The following ARIH1 variants were observed in gnomAD, a reference collection of about 807,000 sequenced individuals.
ARIH1 encodes ariadne RBR E3 ubiquitin protein ligase 1.
ARIH1 carries 8 observed loss-of-function variants against 85.0 expected under a neutral mutation model. The ratio of observed to expected loss-of-function variants is 0.09; its 90% CI spans 0.06 to 0.17. The LOEUF (loss-of-function observed/expected upper bound fraction) is 0.17. Ranked by LOEUF, ARIH1 falls within the 10% of genes least tolerant of loss-of-function variation. The probability of loss-of-function intolerance (pLI) is 1.00; values close to 1 mark genes in which losing one functional copy is unlikely to be tolerated. For missense variants in ARIH1, 311 were observed against 718.1 expected (o/e 0.43, Z 6.48); for synonymous variants, 238 against 253.6 (o/e 0.94, Z 0.59).
chr15:72,548,747 T>G (rs1222517650), intron 3 of ARIH1, among the ~76,000 whole-genome samples: 1 of 152,240 alleles, frequency 6.6e-6, no homozygotes, highest in Non-Finnish European at 1.5e-5. Context: ...AGTTCTTCAC[T>G]TACATTGTAT....
chr15:72,558,651 G>A lies in ARIH1; in HGVS notation c.737+2744G>A, dbSNP rs1000126097. ...GTAACAAATCTTTGTCAAGAGAATTGTCTTATTAATGACCAGAGTGACACT... is the reference window on the plus strand; with the variant it reads ...GTAACAAATCTTTGTCAAGAGAATTATCTTATTAATGACCAGAGTGACACT... On this transcript the variant is annotated intron_variant, in intron 5 of 13. Transcript: ENST00000379887. 2.0e-5 allele frequency among the ~76,000 whole-genome samples: 3 copies of A among 152,210 alleles called. No individual in the cohort carries two copies. The South Asian group carries it at 6.2e-4, about 31-fold the overall frequency.
intron 11 of ARIH1, among the ~76,000 whole-genome samples, chr15:72,577,086 G>A (rs976498494): frequency 2.0e-5 from 3 of 151,606 alleles, no homozygotes; most frequent in East Asian, 1.9e-4. Flanking sequence ...GAATTCAAGC[G>A]ATTCTCCTGC....
At chr15:72,504,434 C>T (rs894895229) in intron 1 of ARIH1, among the ~76,000 whole-genome samples, 4 of 152,108 alleles carry the variant, frequency 2.6e-5, no homozygotes, top group South Asian at 2.1e-4. Context: ...TCCTGCCAGA[C>T]GCTTGAAGGA....
chr15:72,499,298 C>T (rs1478916185), intron 1 of ARIH1, among the ~76,000 whole-genome samples: 1 of 151,116 alleles, frequency 6.6e-6, no homozygotes, highest in East Asian at 1.9e-4. Flanking sequence ...ATTATTGTAG[C>T]TCTTTCTCCA....
chr15:72,490,304 A>G (rs2063854008), intron 1 of ARIH1, among the ~76,000 whole-genome samples: 1 of 151,934 alleles, frequency 6.6e-6, no homozygotes. Context: ...TTATTACAGC[A>G]GGAGTTCCCA....
rs374082881 is a variant in ARIH1 at position 72,488,855 on chromosome 15, A to C, written c.375+13841A>C. On this transcript the variant is annotated intron_variant, in intron 1 of 13. Coordinates refer to ENST00000379887, the MANE Select transcript of ARIH1 (RefSeq NM_005744.5). ...GAATTCCAAGAGGACAAGCTTCTTA[A>C]GGTCCCTGAATATTCAACCTTTTAG... Among the ~76,000 whole-genome samples, 40 of 152,360 alleles carry C rather than the reference A, an allele frequency of 2.6e-4. 1 individual carries two copies. In the East Asian group the frequency reaches 2.9e-3, roughly 11 times the overall value.
At chr15:72,550,209 T>C (rs2064147588) in intron 3 of ARIH1, among the ~76,000 whole-genome samples, 1 of 152,246 alleles carries the variant, frequency 6.6e-6, no homozygotes, top group African/African-American at 2.4e-5. Context: ...AAAAAGCTTT[T>C]ATCTGTGTGC....
At chr15:72,492,025 C>G (rs2063861498) in intron 1 of ARIH1, among the ~76,000 whole-genome samples, 1 of 152,046 alleles carries the variant, frequency 6.6e-6, no homozygotes, top group Non-Finnish European at 1.5e-5. Context: ...GCCTCTGAAT[C>G]CAAATAAATG....
At position 72,474,873 on chromosome 15, in the gene ARIH1, T is replaced by TGGC. The variant is rs375614248; in HGVS notation, c.255_257dup (p.Gly90dup). On this transcript the variant is annotated inframe_insertion, in exon 1 of 14. Coordinates refer to ENST00000379887, the MANE Select transcript of ARIH1 (RefSeq NM_005744.5). ...GCGGCAGCGCTCTGGGGCCCGGCGGTGGCGGCGGCGGCGGCGGCGGCGGTG... is the reference window on the plus strand; with the variant it reads ...GCGGCAGCGCTCTGGGGCCCGGCGGTGGCGGCGGCGGCGGCGGCGGCGGCGGTG... 0.068 allele frequency: 96,356 copies of TGGC among 1,412,176 alleles called. 2,491 individuals are homozygous for TGGC. The highest frequency in any genetic ancestry group is 0.076 in the Non-Finnish European group (81,770 of 1,076,336). 87.5% of individuals were successfully genotyped at this position (1,412,176 alleles called of 1,614,324 possible). A position where few individuals can be genotyped will look rare whatever the true frequency, so the allele number is the denominator to read the frequency against.
In ARIH1 at chr15:72,558,462, C is replaced by T. The variant is rs535767716; in HGVS notation, c.737+2555C>T. On this transcript the variant is annotated intron_variant, in intron 5 of 13. Transcript: ENST00000379887. ...GATTACAGGTGTACACCATCACGTCCGGATAAGTTTTGTATTTTTAGTAGA... is the reference window on the plus strand; with the variant it reads ...GATTACAGGTGTACACCATCACGTCTGGATAAGTTTTGTATTTTTAGTAGA... Among the ~76,000 whole-genome samples, 66 of 152,218 alleles carry T rather than the reference C, an allele frequency of 4.3e-4. 2 individuals are homozygous for T. Among genetic ancestry groups the T allele is most frequent in the South Asian group, 1.7e-3 (8 of 4,814 alleles).
At chr15:72,578,068 C>G (rs751297135) in intron 11 of ARIH1, among the ~76,000 whole-genome samples, 2 of 152,202 alleles carry the variant, frequency 1.3e-5, no homozygotes, top group African/African-American at 4.8e-5. Flanking sequence ...TCCTCATCAT[C>G]TGGCACTGGT....
chr15:72,560,134 T>C (rs1485233731), intron 5 of ARIH1, among the ~76,000 whole-genome samples: 1 of 152,218 alleles, frequency 6.6e-6, no homozygotes, highest in Non-Finnish European at 1.5e-5. Context: ...TTAAAAAATA[T>C]TAATTGAACA....
At chr15:72,545,749 A>C (rs2064126064) in intron 3 of ARIH1, among the ~76,000 whole-genome samples, 1 of 152,228 alleles carries the variant, frequency 6.6e-6, no homozygotes, top group Non-Finnish European at 1.5e-5. Context: ...GAATTGCTTG[A>C]GCCTGGAAGG....
chr15:72,551,513 A>T (rs936599441), intron 3 of ARIH1, among the ~76,000 whole-genome samples: 1 of 152,228 alleles, frequency 6.6e-6, no homozygotes, highest in African/African-American at 2.4e-5. Flanking sequence ...TTAGTGTATT[A>T]TAGAGGAGGC....
intron 11 of ARIH1, among the ~76,000 whole-genome samples, chr15:72,575,424 A>G (rs906826270): frequency 6.6e-6 from 1 of 151,374 alleles, no homozygotes; most frequent in Non-Finnish European, 1.5e-5. Context: ...AAATTTATTA[A>G]AAATTAGCCA....
chr15:72,496,468 GT>G (rs1414300914), intron 1 of ARIH1, among the ~76,000 whole-genome samples: 1 of 152,172 alleles, frequency 6.6e-6, no homozygotes, highest in Non-Finnish European at 1.5e-5. Context: ...GGATGTGATA[GT>G]TTATGTACCA....
chr15:72,594,130 G>C lies in ARIH1; in HGVS notation c.*10838G>C, dbSNP rs908794425. The C allele has an allele frequency of 6.6e-6, 1 of 150,578 alleles. No homozygotes were observed. Among genetic ancestry groups the C allele is most frequent in the African/African-American group, 2.4e-5 (1 of 41,100 alleles). 9.3% of individuals were successfully genotyped at this position (150,578 alleles called of 1,614,324 possible). A position where few individuals can be genotyped will look rare whatever the true frequency, so the allele number is the denominator to read the frequency against. On this transcript the variant is annotated 3_prime_UTR_variant, in exon 14 of 14. Transcript: ENST00000379887. ...ACATTAGACTTTTTCTTAAGCATTTGATTTTTAAAATATTTTTGATTTTCT... is the reference window on the plus strand; with the variant it reads ...ACATTAGACTTTTTCTTAAGCATTTCATTTTTAAAATATTTTTGATTTTCT...
chr15:72,494,688 A>G (rs891385942), intron 1 of ARIH1, among the ~76,000 whole-genome samples: 3 of 152,130 alleles, frequency 2.0e-5, no homozygotes, highest in Non-Finnish European at 4.4e-5. Flanking sequence ...TAGGAAATAA[A>G]TGAGAACAGG....
At position 72,580,962 on chromosome 15, in the gene ARIH1, A is replaced by C; in HGVS notation, c.1447A>C (p.Lys483Gln). 6.2e-7 allele frequency: 1 copy of C among 1,614,052 alleles called. No homozygotes were observed. The highest frequency in any genetic ancestry group is 8.5e-7 in the Non-Finnish European group (1 of 1,179,970). The change falls in exon 12 of 14, where the codon AAA becomes CAA. Residue 483 changes from lysine to glutamine, a missense_variant. Transcript: ENST00000379887. ...MYTYVFAFYL[K>Q]KNNQSIIFEN... The stretch of plus-strand genomic sequence containing the variant: ...CACTTATGTCTTCGCTTTCTACCTC[A>C]AAAAGAATAACCAGTCCATTATCTT...
Sources: gnomAD v4.1 joint callset for allele counts (sites outside exome capture counted in the v4.1 genomes callset) on GRCh38, gnomAD v4.1.1 for gene constraint, MANE v1.5 for transcripts, NCBI Gene and HGNC (gene_info 2026-07-23, HGNC 2026-07-21) for gene names.